Variants in PSMA8 observed in about 807,000 individuals in gnomAD.
PSMA8 encodes proteasome 20S subunit alpha 8.
PSMA8 carries 18 observed loss-of-function variants against 32.4 expected under a neutral mutation model. The ratio of observed to expected loss-of-function variants is 0.56; its 90% CI spans 0.38 to 0.82. The LOEUF (loss-of-function observed/expected upper bound fraction) is 0.82, where lower values mean the gene tolerates loss of function less well. Among genes scored for constraint, PSMA8 ranks in the 40% least tolerant of loss-of-function variants. The pLI, the probability that PSMA8 is intolerant of heterozygous loss-of-function variation, is 0.00. For missense variants in PSMA8, 298 were observed against 300.7 expected (o/e 0.99, Z 0.07); for synonymous variants, 104 against 98.1 (o/e 1.06, Z -0.36).
intron 1 of PSMA8, among the ~76,000 whole-genome samples, chr18:26,141,249 C>T (rs2054953536): frequency 6.7e-6 from 1 of 150,062 alleles, no homozygotes; most frequent in Admixed American, 6.6e-5. Context: ...AATATTTTTT[C>T]TTACTTGATT....
chr18:26,192,443 T>C lies in PSMA8; in HGVS notation c.*32T>C. ...GGATGACCACTGGGAGGTCTTAATG[T>C]TTTGTTTTATTGTACTGCCTGAGGT... On this transcript the variant is annotated 3_prime_UTR_variant, in exon 7 of 7. Transcript: ENST00000415576. 6.6e-7 allele frequency: 1 copy of C among 1,511,294 alleles called. No homozygotes were observed. The highest frequency in any genetic ancestry group is 8.8e-7 in the Non-Finnish European group (1 of 1,141,840). 93.6% of individuals were successfully genotyped at this position (1,511,294 alleles called of 1,614,324 possible). A position where few individuals can be genotyped will look rare whatever the true frequency, so the allele number is the denominator to read the frequency against.
chr18:26,186,445 T>C (rs973819989), intron 6 of PSMA8, among the ~76,000 whole-genome samples: 1 of 152,066 alleles, frequency 6.6e-6, no homozygotes. Context: ...ACATAAGATA[T>C]AAGAAATTTA....
chr18:26,133,995 T>A lies in PSMA8; in HGVS notation c.30T>A (p.Thr10=). 6.2e-7 allele frequency: 1 copy of A among 1,614,064 alleles called. No homozygotes were observed. Among genetic ancestry groups the A allele is most frequent in the Non-Finnish European group, 8.5e-7 (1 of 1,179,940 alleles). Residue 10 remains threonine (T), a synonymous_variant, in exon 1 of 7, where the codon ACT becomes ACA. Coordinates refer to ENST00000415576, the MANE Select transcript of PSMA8 (RefSeq NM_001025096.2). The part of the protein sequence containing the change: MASRYDRAI[T]VFSPDGHLFQ... ...CGTCTCGATATGACAGGGCGATCACTGTCTTCTCCCCAGACGGACACCTTT... is the reference window on the plus strand; with the variant it reads ...CGTCTCGATATGACAGGGCGATCACAGTCTTCTCCCCAGACGGACACCTTT...
chr18:26,173,025 G>C (rs1311348838), intron 4 of PSMA8, among the ~76,000 whole-genome samples: 1 of 152,176 alleles, frequency 6.6e-6, no homozygotes, highest in African/African-American at 2.4e-5. Flanking sequence ...GGCACACCCA[G>C]AAAGAATGTG....
chr18:26,179,643 C>T (rs1187039860), intron 6 of PSMA8, among the ~76,000 whole-genome samples: 1 of 152,086 alleles, frequency 6.6e-6, no homozygotes, highest in Non-Finnish European at 1.5e-5. Context: ...ATAGAGGACC[C>T]ACTGGCTAAA....
intron 4 of PSMA8, among the ~76,000 whole-genome samples, chr18:26,170,336 G>A (rs558938390): frequency 1.5e-5 from 2 of 131,608 alleles, no homozygotes; most frequent in Non-Finnish European, 3.0e-5. Context: ...CAAACCTCTG[G>A]ATATACACGT....
chr18:26,140,894 A>C (rs555189154), intron 1 of PSMA8, among the ~76,000 whole-genome samples: 1 of 152,338 alleles, frequency 6.6e-6, no homozygotes, highest in African/African-American at 2.4e-5. Flanking sequence ...TTAGTGAAAC[A>C]GAGTTTTTTG....
chr18:26,158,054 G>A, intron 3 of PSMA8, 68 bp from the exon 4 acceptor site: 1 of 1,089,286 alleles, frequency 9.2e-7, no homozygotes, highest in Non-Finnish European at 1.3e-6. Flanking sequence ...GGGCAGCAAT[G>A]CTTTATTATT....
intron 6 of PSMA8, among the ~76,000 whole-genome samples, chr18:26,189,303 G>A (rs2055383269): frequency 6.6e-6 from 1 of 152,134 alleles, no homozygotes; most frequent in African/African-American, 2.4e-5. Flanking sequence ...CAAGGCGGGA[G>A]GATCACTTGA....
intron 1 of PSMA8, among the ~76,000 whole-genome samples, chr18:26,140,489 T>C (rs1296846364): frequency 6.6e-6 from 1 of 152,250 alleles, no homozygotes; most frequent in Non-Finnish European, 1.5e-5. Flanking sequence ...TTCGTATTTC[T>C]GTGCTTTGGT....
intron 6 of PSMA8, among the ~76,000 whole-genome samples, chr18:26,181,801 G>A (rs1395570454): frequency 6.6e-6 from 1 of 152,110 alleles, no homozygotes; most frequent in East Asian, 1.9e-4. Context: ...GCACGCACCT[G>A]TAATCCCAGC....
chr18:26,184,680 A>G (rs1411371405), intron 6 of PSMA8, among the ~76,000 whole-genome samples: 1 of 149,296 alleles, frequency 6.7e-6, no homozygotes, highest in African/African-American at 2.5e-5. Flanking sequence ...AGGCTGAGGC[A>G]GGAGAATCAC....
chr18:26,135,323 CT>C (rs1342037322), intron 1 of PSMA8, among the ~76,000 whole-genome samples: 1 of 152,108 alleles, frequency 6.6e-6, no homozygotes, highest in Non-Finnish European at 1.5e-5. Flanking sequence ...TTGTTGTGTA[CT>C]TTGGAAATTG....
At chr18:26,148,136 A>G (rs2055018326) in intron 2 of PSMA8, among the ~76,000 whole-genome samples, 1 of 152,160 alleles carries the variant, frequency 6.6e-6, no homozygotes, top group Non-Finnish European at 1.5e-5. Context: ...AAACTCTTCC[A>G]AAAAGTTAAG....
chr18:26,158,835 C>T (rs368661883), intron 4 of PSMA8, among the ~76,000 whole-genome samples: 6 of 152,238 alleles, frequency 3.9e-5, no homozygotes, highest in South Asian at 2.1e-4. Context: ...CAGCCAGGCA[C>T]GGTAGTACAC....
chr18:26,161,313 T>C (rs1383347729), intron 4 of PSMA8, among the ~76,000 whole-genome samples: 2 of 152,336 alleles, frequency 1.3e-5, no homozygotes, highest in East Asian at 3.9e-4. Context: ...TTTGTAGGCA[T>C]GTGAAAAATG....
At chr18:26,162,235 A>G (rs1327332156) in intron 4 of PSMA8, among the ~76,000 whole-genome samples, 1 of 152,194 alleles carries the variant, frequency 6.6e-6, no homozygotes, top group East Asian at 1.9e-4. Flanking sequence ...TGTAGTCACC[A>G]TGCTGTACAG....
At chr18:26,156,258 A>G (rs574401581) in intron 3 of PSMA8, among the ~76,000 whole-genome samples, 7 of 152,216 alleles carry the variant, frequency 4.6e-5, no homozygotes, top group Non-Finnish European at 7.4e-5. Flanking sequence ...TCAGAAAACT[A>G]TTATAGAAGT....
intron 4 of PSMA8, among the ~76,000 whole-genome samples, chr18:26,165,579 C>A (rs536170403): frequency 4.6e-5 from 7 of 151,940 alleles, no homozygotes; most frequent in Non-Finnish European, 7.4e-5. Context: ...TTTCCCCCCC[C>A]AAGATTGGCA....
Sources: allele counts gnomAD v4.1 joint callset (sites outside exome capture counted in the v4.1 genomes callset), GRCh38; gene constraint gnomAD v4.1.1; transcripts MANE v1.5; gene names NCBI Gene and HGNC (gene_info 2026-07-23, HGNC 2026-07-21).